Variants in BORCS6 observed in about 807,000 individuals in gnomAD.
The protein encoded by BORCS6 is BLOC-1-related complex subunit 6.
Under a neutral mutation model 17.0 loss-of-function variants are expected in BORCS6, and 12 were observed. That is an observed-to-expected ratio of 0.71 (90% confidence interval 0.45 to 1.15). The LOEUF (loss-of-function observed/expected upper bound fraction) is 1.15. Ranked by LOEUF, BORCS6 falls within the 50% of genes most tolerant of loss-of-function variation. The probability of loss-of-function intolerance (pLI) is 0.00; values close to 1 mark genes in which losing one functional copy is unlikely to be tolerated. For missense variants in BORCS6, 513 were observed against 515.0 expected (o/e 1.00, Z 0.04); for synonymous variants, 262 against 241.7 (o/e 1.08, Z -0.78).
chr17:8,189,917 C>G lies in BORCS6; in HGVS notation c.224G>C (p.Arg75Pro), dbSNP rs1252751263. Residue 75 changes from arginine (R) to proline (P), a missense_variant, in exon 1 of 1, where the codon CGG (arginine) becomes CCG (proline). Arg to Pro is a moderately radical substitution (Grantham distance 103). Coordinates refer to ENST00000389017, the MANE Select transcript of BORCS6 (RefSeq NM_017622.3). The surrounding 1 kb of genome is among the most constrained non-coding windows in gnomAD (Gnocchi z 7.8). ...GCCGGGCTCGTTCTCCAGAGCCTCC[C>G]GTTCCGGCCGGTGGACGACGCCGCA... ...SSCGVVHRPE[R>P]EALENEPGPQ... 6.5e-7 allele frequency: 1 copy of G among 1,548,618 alleles called. No individual in the cohort carries two copies. Among genetic ancestry groups the G allele is most frequent in the South Asian group, 1.2e-5 (1 of 84,062 alleles).
In BORCS6 at chr17:8,188,605, G is replaced by A. The variant is rs528184119; in HGVS notation, c.*462C>T. The A allele has an allele frequency of 1.9e-3, 368 of 196,760 alleles. 2 individuals carry two copies. Among genetic ancestry groups the A allele is most frequent in the Non-Finnish European group, 2.9e-3 (278 of 95,168 alleles). 12.2% of individuals were successfully genotyped at this position (196,760 alleles called of 1,614,324 possible). ...CAGCAGGGGTGCATCTTTGCCTGCG[G>A]GGTGTTTGGCCAAGGACGGCACAAG... On this transcript the variant is annotated 3_prime_UTR_variant, in exon 1 of 1. Coordinates refer to ENST00000389017, the MANE Select transcript of BORCS6 (RefSeq NM_017622.3).
Position 8,188,901 on chromosome 17 carries a change from A to AG in BORCS6, c.*165dup. ...CCGTTAGAACTTCCCCACATACACC[A>AG]GCCTAAGGCCCAGCGAGTGGGCACG... On this transcript the variant is annotated 3_prime_UTR_variant, in exon 1 of 1. Coordinates refer to ENST00000389017, the MANE Select transcript of BORCS6 (RefSeq NM_017622.3). 1 of 992,318 alleles carries AG rather than the reference A, an allele frequency of 1.0e-6. No individual in the cohort carries two copies. The highest frequency in any genetic ancestry group is 2.9e-5 in the Admixed American group (1 of 34,994). 61.5% of individuals were successfully genotyped at this position (992,318 alleles called of 1,614,324 possible). A position where few individuals can be genotyped will look rare whatever the true frequency, so the allele number is the denominator to read the frequency against.
rs778006451 is a variant in BORCS6 at position 8,189,507 on chromosome 17, C to A, written c.634G>T (p.Asp212Tyr). 5.1e-6 allele frequency: 8 copies of A among 1,571,240 alleles called. No individual in the cohort carries two copies. Among genetic ancestry groups the A allele is most frequent in the Non-Finnish European group, 6.9e-6 (8 of 1,159,760 alleles). Residue 212 changes from aspartate (D) to tyrosine (Y), a missense_variant, in exon 1 of 1, where the codon GAC (aspartate) becomes TAC (tyrosine). Coordinates refer to ENST00000389017, the MANE Select transcript of BORCS6 (RefSeq NM_017622.3). The surrounding 1 kb of genome is among the most constrained non-coding windows in gnomAD (Gnocchi z 7.8). ...TTGTTGGCGACAAAGTGGGTAAGGT[C>A]GCCGTGGCGGCTCACTGTGCCTTCG... ...ELEGTVSRHG[D>Y]LTHFVANNLQ...
At position 8,189,319 on chromosome 17, in the gene BORCS6, C is replaced by T. The variant is rs1399607215; in HGVS notation, c.822G>A (p.Arg274=). ...CCAGACCGCGAAGCAGACGGTCCAC[C>T]CGGCCTCCCAGCTCCCGACTCAACC... The part of the protein sequence containing the change: ...LERLSRELGG[R]VDRLLRGLGG... Residue 274 remains arginine, a synonymous_variant, in exon 1 of 1, where the codon CGG becomes CGA. Coordinates refer to ENST00000389017, the MANE Select transcript of BORCS6 (RefSeq NM_017622.3). The surrounding 1 kb of genome is among the most constrained non-coding windows in gnomAD (Gnocchi z 7.8). 2 of 1,613,320 alleles carry T rather than the reference C, an allele frequency of 1.2e-6. No individual in the cohort carries two copies. Among genetic ancestry groups the T allele is most frequent in the African/African-American group, 2.7e-5 (2 of 75,042 alleles).
rs1322851051 is a variant in BORCS6, at chr17:8,190,126, C to A, written c.15G>T (p.Arg5=). Residue 5 remains arginine, a synonymous_variant, in exon 1 of 1, where the codon CGG becomes CGT. Transcript: ENST00000389017. ...GGTCCGTCTCGGGCCCGGGCCGCCC[C>A]CGAGACGACTCCATACTGCAGGTGG... MESS[R]GRPGPETDLL... is the part of the protein sequence containing the mutation. 6.5e-7 allele frequency: 1 copy of A among 1,549,498 alleles called. No individual in the cohort carries two copies. The highest frequency in any genetic ancestry group is 8.7e-7 in the Non-Finnish European group (1 of 1,146,662).
In BORCS6 at chr17:8,190,133, G is replaced by T; in HGVS notation, c.8C>A (p.Ser3Ter). Residue 3 changes from serine (S) to a stop codon, truncating the protein, a stop_gained, in exon 1 of 1, where the codon TCG becomes TAG. Transcript: ENST00000389017. LOFTEE classifies it high-confidence loss of function. ...CTCGGGCCCGGGCCGCCCCCGAGACGACTCCATACTGCAGGTGGGGGCCGC... is the reference window on the plus strand; with the variant it reads ...CTCGGGCCCGGGCCGCCCCCGAGACTACTCCATACTGCAGGTGGGGGCCGC... ME[S>*]SRGRPGPETD... 2 of 1,548,370 alleles carry T rather than the reference G, an allele frequency of 1.3e-6. No individual in the cohort carries two copies. Among genetic ancestry groups the T allele is most frequent in the South Asian group, 1.2e-5 (1 of 83,948 alleles).
In BORCS6 at chr17:8,189,252, T is replaced by G. The variant is rs777445376; in HGVS notation, c.889A>C (p.Ile297Leu). Residue 297 changes from isoleucine to leucine, a missense_variant, in exon 1 of 1, where the codon ATC becomes CTC. By Grantham distance (5) the Ile-to-Leu change is conservative. Coordinates refer to ENST00000389017, the MANE Select transcript of BORCS6 (RefSeq NM_017622.3). The surrounding 1 kb of genome is among the most constrained non-coding windows in gnomAD (Gnocchi z 7.8). Reference sequence around the variant, plus strand: ...TCCACAGCATCGCGGTAGGTCTGGATGCAACCCACGCTCAGCGCCGTCAGC... The same window carrying G: ...TCCACAGCATCGCGGTAGGTCTGGAGGCAACCCACGCTCAGCGCCGTCAGC... Reference protein sequence around the residue: ...QELTALSVGCIQTYRDAVDSL... With the variant: ...QELTALSVGCLQTYRDAVDSL... The G allele has an allele frequency of 1.9e-6, 3 of 1,613,824 alleles. No homozygotes were observed. The highest frequency in any genetic ancestry group is 2.5e-6 in the Non-Finnish European group (3 of 1,180,000).
At position 8,189,142 on chromosome 17, in the gene BORCS6, C is replaced by A; in HGVS notation, c.999G>T (p.Gln333His). 6.2e-7 allele frequency: 1 copy of A among 1,614,112 alleles called. No homozygotes were observed. Among genetic ancestry groups the A allele is most frequent in the South Asian group, 1.1e-5 (1 of 91,090 alleles). ...ARCEELERAL[Q>H]PVQGLARQVR... ...CTTGGCGCGCCAGCCCCTGAACCGG[C>A]TGCAGAGCCCGCTCCAGCTCCTCGC... Residue 333 changes from glutamine to histidine, a missense_variant, in exon 1 of 1, where the codon CAG becomes CAT. Coordinates refer to ENST00000389017, the MANE Select transcript of BORCS6 (RefSeq NM_017622.3). This position sits in a 1 kb window ranked among gnomAD's most constrained non-coding sequence, Gnocchi z 7.8.
rs746633102 is a variant in BORCS6 at position 8,188,739 on chromosome 17, C to A, written c.*328G>T. 4.9e-5 allele frequency: 19 copies of A among 385,074 alleles called. No individual in the cohort carries two copies. The highest frequency in any genetic ancestry group is 1.5e-3 in the Middle Eastern group (2 of 1,308). The allele number at this position is 385,074 out of a possible 1,614,324, so 23.9% of individuals were successfully genotyped here. On this transcript the variant is annotated 3_prime_UTR_variant, in exon 1 of 1. Transcript: ENST00000389017. Reference sequence around the variant, plus strand: ...TCCTGATTACATGTGGGAGTCACGTCCTCACCTTCAAGCAGACCTAAAGCC... The same window carrying A: ...TCCTGATTACATGTGGGAGTCACGTACTCACCTTCAAGCAGACCTAAAGCC...
In BORCS6 at chr17:8,189,817, G is replaced by T; in HGVS notation, c.324C>A (p.Ser108=). 6.3e-7 allele frequency: 1 copy of T among 1,580,254 alleles called. No individual in the cohort carries two copies. The change falls in exon 1 of 1, where the codon TCC becomes TCA. Residue 108 remains serine (S), a synonymous_variant. Transcript: ENST00000389017. The surrounding 1 kb of genome is among the most constrained non-coding windows in gnomAD (Gnocchi z 7.8). ...CGGGCGGCGCCGGGTTCTTGTGCCG[G>T]GAGGACAGGGAAGGTTCGTGCTCTG... ...PGAEHEPSLS[S]RHKNPAPPEG... is the part of the protein sequence containing the mutation.
rs374315817 is a variant in BORCS6, at chr17:8,189,745, G to T, written c.396C>A (p.Gly132=). Residue 132 remains glycine (G), a synonymous_variant, in exon 1 of 1, where the codon GGC becomes GGA. Coordinates refer to ENST00000389017, the MANE Select transcript of BORCS6 (RefSeq NM_017622.3). This position sits in a 1 kb window ranked among gnomAD's most constrained non-coding sequence, Gnocchi z 7.8. ...SGRDCRRGGP[G]GGMDVEQQEE... is the part of the protein sequence containing the mutation. ...CCTGCTGCTCAACATCCATCCCGCC[G>T]CCTGGTCCCCCTCGACGGCAGTCCC... 3.1e-6 allele frequency: 5 copies of T among 1,599,650 alleles called. No individual in the cohort carries two copies. The African/African-American group carries it at 4.0e-5, about 13-fold the overall frequency.
At position 8,189,267 on chromosome 17, in the gene BORCS6, G is replaced by C. The variant is rs932508204; in HGVS notation, c.874C>G (p.Leu292Val). 1 of 1,613,770 alleles carries C rather than the reference G, an allele frequency of 6.2e-7. No individual in the cohort carries two copies. Among genetic ancestry groups the C allele is most frequent in the Admixed American group, 1.7e-5 (1 of 60,006 alleles). ...TAGGTCTGGATGCAACCCACGCTCA[G>C]CGCCGTCAGCTCCTGCACCGCGCCA... ...LGGAVQELTA[L>V]SVGCIQTYRD... is the part of the protein sequence containing the mutation. The change falls in exon 1 of 1, where the codon CTG becomes GTG. Residue 292 changes from leucine (L) to valine (V), a missense_variant. Transcript: ENST00000389017. This position sits in a 1 kb window ranked among gnomAD's most constrained non-coding sequence, Gnocchi z 7.8.
Position 8,189,498 on chromosome 17 carries a change from G to T in BORCS6, c.643C>A (p.His215Asn). Residue 215 changes from histidine (H) to asparagine (N), a missense_variant, in exon 1 of 1, where the codon CAC (histidine) becomes AAC (asparagine). Transcript: ENST00000389017. This position sits in a 1 kb window ranked among gnomAD's most constrained non-coding sequence, Gnocchi z 7.8. ...AGTTGCAGGTTGTTGGCGACAAAGTGGGTAAGGTCGCCGTGGCGGCTCACT... is the reference window on the plus strand; with the variant it reads ...AGTTGCAGGTTGTTGGCGACAAAGTTGGTAAGGTCGCCGTGGCGGCTCACT... Reference protein sequence around the residue: ...GTVSRHGDLTHFVANNLQLKI... With the variant: ...GTVSRHGDLTNFVANNLQLKI... 1 of 1,571,922 alleles carries T rather than the reference G, an allele frequency of 6.4e-7. No homozygotes were observed. Among genetic ancestry groups the T allele is most frequent in the East Asian group, 2.3e-5 (1 of 43,064 alleles).
Position 8,189,744 on chromosome 17 carries a change from C to G in BORCS6, c.397G>C (p.Gly133Arg), listed in dbSNP as rs769552118. ...GRDCRRGGPG[G>R]GMDVEQQEEE... ...TCCTGCTGCTCAACATCCATCCCGC[C>G]GCCTGGTCCCCCTCGACGGCAGTCC... is the stretch of plus-strand genomic sequence containing the variant. The change falls in exon 1 of 1, where the codon GGC becomes CGC. Residue 133 changes from glycine (G) to arginine (R), a missense_variant. By Grantham distance (125) the Gly-to-Arg change is moderately radical. Transcript: ENST00000389017. The surrounding 1 kb of genome is among the most constrained non-coding windows in gnomAD (Gnocchi z 7.8). 3.9e-5 allele frequency: 63 copies of G among 1,599,666 alleles called. No individual in the cohort carries two copies. The highest frequency in any genetic ancestry group is 5.3e-5 in the Non-Finnish European group (63 of 1,179,630).
In BORCS6 at chr17:8,190,094, G is replaced by C; in HGVS notation, c.47C>G (p.Ala16Gly). The C allele has an allele frequency of 3.9e-6, 6 of 1,550,286 alleles. No individual in the cohort carries two copies. Among genetic ancestry groups the C allele is most frequent in the Non-Finnish European group, 5.2e-6 (6 of 1,146,848 alleles). Residue 16 changes from alanine to glycine, a missense_variant, in exon 1 of 1, where the codon GCT (alanine) becomes GGT (glycine). By Grantham distance (60) the Ala-to-Gly change is moderately conservative. Transcript: ENST00000389017. ...GACTAGGGCCTGATGTTCCGCTACA[G>C]CCAGAAGGTCCGTCTCGGGCCCGGG... ...GRPGPETDLL[A>G]VAEHQALVFG...
In BORCS6 at chr17:8,189,775, G is replaced by T. The variant is rs758504849; in HGVS notation, c.366C>A (p.Ser122=). The T allele has an allele frequency of 6.2e-7, 1 of 1,600,244 alleles. No individual in the cohort carries two copies. The highest frequency in any genetic ancestry group is 8.5e-7 in the Non-Finnish European group (1 of 1,179,054). The part of the protein sequence containing the change: ...NPAPPEGKPS[S]GRDCRRGGPG... ...GTCCCCCTCGACGGCAGTCCCTCCC[G>T]GAGGAGGGCTTGCCCTCGGGCGGCG... Residue 122 remains serine, a synonymous_variant, in exon 1 of 1, where the codon TCC becomes TCA. Transcript: ENST00000389017. This position sits in a 1 kb window ranked among gnomAD's most constrained non-coding sequence, Gnocchi z 7.8.
Position 8,189,959 on chromosome 17 carries a change from G to A in BORCS6, c.182C>T (p.Ser61Phe). Residue 61 changes from serine to phenylalanine, a missense_variant, in exon 1 of 1, where the codon TCC becomes TTC. Transcript: ENST00000389017. This position sits in a 1 kb window ranked among gnomAD's most constrained non-coding sequence, Gnocchi z 7.8. Reference protein sequence around the residue: ...VGGANRHPRTSPKTSSCGVVH... With the variant: ...VGGANRHPRTFPKTSSCGVVH... ...GACGCCGCAGCTTGACGTCTTCGGG[G>A]ACGTCCTGGGGTGGCGGTTCGCGCC... is the stretch of plus-strand genomic sequence containing the variant. 2 of 1,549,734 alleles carry A rather than the reference G, an allele frequency of 1.3e-6. No homozygotes were observed. The highest frequency in any genetic ancestry group is 1.7e-6 in the Non-Finnish European group (2 of 1,146,818).
chr17:8,189,134 T>C lies in BORCS6; in HGVS notation c.1007A>G (p.Gln336Arg), dbSNP rs913598966. Residue 336 changes from glutamine (Q) to arginine (R), a missense_variant, in exon 1 of 1, where the codon CAG becomes CGG. Gln to Arg is a conservative substitution (Grantham distance 43). Transcript: ENST00000389017. The surrounding 1 kb of genome is among the most constrained non-coding windows in gnomAD (Gnocchi z 7.8). The part of the protein sequence containing the change: ...EELERALQPV[Q>R]GLARQVRDIR... Reference sequence around the variant, plus strand: ...ATCCCGGACTTGGCGCGCCAGCCCCTGAACCGGCTGCAGAGCCCGCTCCAG... The same window carrying C: ...ATCCCGGACTTGGCGCGCCAGCCCCCGAACCGGCTGCAGAGCCCGCTCCAG... The C allele has an allele frequency of 8.7e-6, 14 of 1,614,096 alleles. No homozygotes were observed. Among genetic ancestry groups the C allele is most frequent in the Non-Finnish European group, 1.2e-5 (14 of 1,180,010 alleles).
In BORCS6 at chr17:8,189,820, G is replaced by C. The variant is rs750619625; in HGVS notation, c.321C>G (p.Ser107=). The change falls in exon 1 of 1, where the codon TCC becomes TCG. Residue 107 remains serine (S), a synonymous_variant. Transcript: ENST00000389017. This position sits in a 1 kb window ranked among gnomAD's most constrained non-coding sequence, Gnocchi z 7.8. ...GCGGCGCCGGGTTCTTGTGCCGGGA[G>C]GACAGGGAAGGTTCGTGCTCTGCAC... is the stretch of plus-strand genomic sequence containing the variant. ...APGAEHEPSL[S]SRHKNPAPPE... 1 of 1,578,082 alleles carries C rather than the reference G, an allele frequency of 6.3e-7. No individual in the cohort carries two copies.
Sources: allele counts gnomAD v4.1 joint callset, GRCh38; gene constraint gnomAD v4.1.1; non-coding constraint Gnocchi (gnomAD v3.1); transcripts MANE v1.5; gene names NCBI Gene and HGNC (gene_info 2026-07-23, HGNC 2026-07-21).